Variants in SYNJ1 observed in about 807,000 individuals in gnomAD.
SYNJ1 encodes synaptojanin 1, also known as polyphosphatidylinositol phosphatase SYNJ1.
In SYNJ1, 78 loss-of-function variants were observed where a neutral mutation model predicts 168.2. The ratio of observed to expected loss-of-function variants is 0.46; its 90% confidence interval spans 0.39 to 0.56. The LOEUF is 0.56. SYNJ1 is among the 20% of genes least tolerant of loss of function. The probability of loss-of-function intolerance (pLI) is 0.00; values close to 1 mark genes in which losing one functional copy is unlikely to be tolerated. For missense variants in SYNJ1, 1,303 were observed against 1,597.6 expected (o/e 0.82, Z 3.14); for synonymous variants, 539 against 548.6 (o/e 0.98, Z 0.24).
intron 3 of SYNJ1, among the ~76,000 whole-genome samples, chr21:32,700,842 GA>G (rs557183218): frequency 6.6e-4 from 101 of 152,332 alleles, no homozygotes; most frequent in African/African-American, 2.4e-3. Context: ...ATCAGCTGAT[GA>G]TGTTGATGAC....
At position 32,634,918 on chromosome 21, in the gene SYNJ1, G is replaced by T. The variant is rs373963003; in HGVS notation, c.3916-34C>A. The T allele has an allele frequency of 2.5e-6, 4 of 1,612,852 alleles. No homozygotes were observed. The African/African-American group carries it at 5.3e-5, about 22-fold the overall frequency. ...AAGGAAACAGACATCAAAGGAAAGA[G>T]TTAGGAGGACAATCCGAGATCAACC... is the stretch of plus-strand genomic sequence containing the variant. On this transcript the variant is annotated intron_variant, in intron 31 of 32. Transcript: ENST00000674351.
At position 32,684,111 on chromosome 21, in the gene SYNJ1, C is replaced by A; in HGVS notation, c.1127G>T (p.Ser376Ile). The A allele has an allele frequency of 6.2e-7, 1 of 1,613,360 alleles. No homozygotes were observed. The highest frequency in any genetic ancestry group is 8.5e-7 in the Non-Finnish European group (1 of 1,179,506). ...FNGSEVQRCQ[S>I]GTVRTNCLDC... Reference sequence around the variant, plus strand: ...CAAGCAGTTTGTTCGAACTGTACCACTCTGGCATCTGTAACCAATAAAGTT... The same window carrying A: ...CAAGCAGTTTGTTCGAACTGTACCAATCTGGCATCTGTAACCAATAAAGTT... Residue 376 changes from serine (S) to isoleucine (I), a missense_variant, in exon 10 of 33, where the codon AGT becomes ATT. By Grantham distance (142) the Ser-to-Ile change is moderately radical. Around this residue, in one of 2 missense-constraint regions of SYNJ1, gnomAD observed 920 missense variants for 1,208.8 expected, o/e 0.76. Coordinates refer to ENST00000674351, the MANE Select transcript of SYNJ1 (RefSeq NM_203446.3).
upstream of SYNJ1, chr21:32,728,107 C>A: frequency 6.7e-7 from 1 of 1,485,274 alleles, no homozygotes; most frequent in South Asian, 1.3e-5. Flanking sequence ...AGGAGGGAGA[C>A]CACGCCCACT....
intron 2 of SYNJ1, among the ~76,000 whole-genome samples, chr21:32,724,590 T>C (rs2043375636): frequency 6.6e-6 from 1 of 152,214 alleles, no homozygotes; most frequent in Admixed American, 6.5e-5. Context: ...GCTGGGATTA[T>C]TGAAGATGAA....
chr21:32,727,982 C>T lies in SYNJ1; in HGVS notation c.-59G>A, dbSNP rs771338654. The T allele has an allele frequency of 7.8e-6, 12 of 1,535,384 alleles. No individual in the cohort carries two copies. The highest frequency in any genetic ancestry group is 7.9e-6 in the Non-Finnish European group (9 of 1,145,950). ...GCTCCTCCTCCTCCTTCTCCCGCAG[C>T]CGCCGCCACAGCCGCCGGGAGCGTC... On this transcript the variant is annotated 5_prime_UTR_variant, in exon 1 of 33. Transcript: ENST00000674351.
intron 4 of SYNJ1, among the ~76,000 whole-genome samples, chr21:32,695,633 ATATTTATTTATTTATT>A (rs759113240): frequency 2.3e-3 from 334 of 148,034 alleles, no homozygotes; most frequent in African/African-American, 5.3e-3. Context: ...TTTTAAAAAA[ATATTTATTTATTTATT>A]TATTTATTTA....
At chr21:32,678,931 T>C in intron 11 of SYNJ1, 130 bp from the exon 12 acceptor site, 1 of 1,217,406 alleles carries the variant, frequency 8.2e-7, no homozygotes, top group Non-Finnish European at 1.1e-6. Flanking sequence ...ATCGTTCTAT[T>C]TTGAATATAT....
At chr21:32,664,412 C>T (rs886786626) in intron 18 of SYNJ1, among the ~76,000 whole-genome samples, 1 of 152,222 alleles carries the variant, frequency 6.6e-6, no homozygotes, top group Non-Finnish European at 1.5e-5. Flanking sequence ...TAGCCCAGCA[C>T]TGTGCCCTGG....
At chr21:32,683,911 T>C (rs974506071) in intron 10 of SYNJ1, 127 bp downstream of exon 10, 10 of 759,374 alleles carry the variant, frequency 1.3e-5, no homozygotes, top group Non-Finnish European at 2.1e-5. Context: ...GAGACAGAGA[T>C]TAGAAGTACA....
At chr21:32,641,772 AT>A in intron 29 of SYNJ1, 123 bp downstream of exon 29, 1 of 621,550 alleles carries the variant, frequency 1.6e-6, no homozygotes, top group Non-Finnish European at 2.8e-6. Context: ...CAATTCCCTC[AT>A]TTTAGAGATG....
Position 32,639,087 on chromosome 21 carries a change from C to G in SYNJ1, c.3736G>C (p.Ala1246Pro), listed in dbSNP as rs2145720640. Residue 1246 changes from alanine to proline, a missense_variant, in exon 31 of 33, where the codon GCT becomes CCT. Physicochemically the swap from Ala to Pro is conservative, Grantham distance 27 (BLOSUM62 -1). Transcript: ENST00000674351. The part of the protein sequence containing the change: ...FLPEPLKPQA[A>P]FPPQSSLPPP... ...GGCAAAGAAGACTGCGGAGGAAAAG[C>G]AGCCTGAGGCTTCAGTGGTTCAGGA... The G allele has an allele frequency of 6.2e-7, 1 of 1,613,912 alleles. No individual in the cohort carries two copies. The highest frequency in any genetic ancestry group is 1.1e-5 in the South Asian group (1 of 91,066).
At chr21:32,708,358 C>G (rs2042691165) in intron 2 of SYNJ1, among the ~76,000 whole-genome samples, 2 of 152,204 alleles carry the variant, frequency 1.3e-5, no homozygotes, top group African/African-American at 4.8e-5. Flanking sequence ...ACTGCACTTT[C>G]AACGAATGGA....
intron 14 of SYNJ1, among the ~76,000 whole-genome samples, chr21:32,671,328 G>C (rs2041179697): frequency 6.6e-6 from 1 of 151,442 alleles, no homozygotes; most frequent in Non-Finnish European, 1.5e-5. Context: ...AAAAAGAAGA[G>C]CCTATAAATA....
chr21:32,685,781 C>G lies in SYNJ1; in HGVS notation c.1085G>C (p.Gly362Ala). Reference sequence around the variant, plus strand: ...TTCACTTCCATTGAAATAAAAAAATCCATAATCTAGAAACTTCTGGACTTG... The same window carrying G: ...TTCACTTCCATTGAAATAAAAAAATGCATAATCTAGAAACTTCTGGACTTG... The part of the protein sequence containing the change: ...KPQVQKFLDY[G>A]FFYFNGSEVQ... The change falls in exon 9 of 33, where the codon GGA becomes GCA. Residue 362 changes from glycine (G) to alanine (A), a missense_variant. By Grantham distance (60) the Gly-to-Ala change is moderately conservative. This residue lies in a region of SYNJ1 where 920 missense variants were observed against 1,208.8 expected (regional missense o/e 0.76). Transcript: ENST00000674351. The G allele has an allele frequency of 2.5e-6, 4 of 1,608,612 alleles. No individual in the cohort carries two copies. Among genetic ancestry groups the G allele is most frequent in the Non-Finnish European group, 3.4e-6 (4 of 1,178,114 alleles).
chr21:32,656,822 G>A lies in SYNJ1; in HGVS notation c.2660C>T (p.Ala887Val), dbSNP rs760689512. ...TGTACCATCTGGTGGACCCTGAACT[G>A]CAATTACTTCTTTATAAATGTTTTG... ...ERQNIYKEVI[A>V]VQGPPDGTVL... The change falls in exon 21 of 33, where the codon GCA (alanine) becomes GTA (valine). Residue 887 changes from alanine (A) to valine (V), a missense_variant. Coordinates refer to ENST00000674351, the MANE Select transcript of SYNJ1 (RefSeq NM_203446.3). 6.2e-7 allele frequency: 1 copy of A among 1,614,136 alleles called. No individual in the cohort carries two copies. Among genetic ancestry groups the A allele is most frequent in the Non-Finnish European group, 8.5e-7 (1 of 1,180,014 alleles).
At chr21:32,634,923 G>A (rs1339818008) in intron 31 of SYNJ1, 39 bp from the exon 32 acceptor site, 2 of 1,612,202 alleles carry the variant, frequency 1.2e-6, no homozygotes, top group Non-Finnish European at 1.7e-6. Flanking sequence ...AAAGAGTTAG[G>A]AGGACAATCC....
intron 1 of SYNJ1, 81 bp downstream of exon 1, chr21:32,727,865 A>T: frequency 1.3e-6 from 2 of 1,517,446 alleles, no homozygotes; most frequent in Admixed American, 4.0e-5. Flanking sequence ...GGAGGCAGAG[A>T]CTGGTCTTGG....
At chr21:32,678,838 T>C (rs778382823) in intron 11 of SYNJ1, 37 bp from the exon 12 acceptor site, 1 of 1,586,730 alleles carries the variant, frequency 6.3e-7, no homozygotes, top group African/African-American at 1.4e-5. Context: ...CAGATTTTCA[T>C]TTTAAATATT....
At chr21:32,640,737 GC>G (rs1158015576) in intron 29 of SYNJ1, among the ~76,000 whole-genome samples, 1 of 152,110 alleles carries the variant, frequency 6.6e-6, no homozygotes, top group Non-Finnish European at 1.5e-5. Flanking sequence ...CATATATATT[GC>G]TTTTAAACAC....
Sources: gnomAD v4.1 joint callset for allele counts (sites outside exome capture counted in the v4.1 genomes callset) on GRCh38, gnomAD v4.1.1 for gene constraint, gnomAD v4.1.1 regional missense constraint, MANE v1.5 for transcripts, NCBI Gene and HGNC (gene_info 2026-07-23, HGNC 2026-07-21) for gene names.